MACROD2: variants seen among roughly 807,000 people sequenced by gnomAD.
The protein encoded by MACROD2 is ADP-ribose glycohydrolase MACROD2.
A neutral mutation model predicts 70.4 loss-of-function variants in MACROD2; 36 were observed. The observed-to-expected ratio is 0.51, with a 90% CI of 0.39 to 0.68. The LOEUF (loss-of-function observed/expected upper bound fraction) is 0.68, where lower values mean the gene tolerates loss of function less well. MACROD2 is among the 30% of genes least tolerant of loss of function. The probability of loss-of-function intolerance (pLI) is 0.00; values close to 1 mark genes in which losing one functional copy is unlikely to be tolerated. For synonymous variants in MACROD2, 172 were observed against 178.8 expected (o/e 0.96, Z 0.30); for missense variants, 496 against 538.4 (o/e 0.92, Z 0.78).
intron 8 of MACROD2, among the ~76,000 whole-genome samples, chr20:15,683,274 A>G (rs2050184965): frequency 6.6e-6 from 1 of 152,182 alleles, no homozygotes; most frequent in South Asian, 2.1e-4. Context: ...CTCTTTGGGC[A>G]ATCTTTTGTG....
At chr20:15,657,203 G>A (rs1416280829) in intron 8 of MACROD2, among the ~76,000 whole-genome samples, 3 of 152,168 alleles carry the variant, frequency 2.0e-5, no homozygotes, top group Admixed American at 1.3e-4. Context: ...ATCAATGACA[G>A]CCAGTAAACA....
At chr20:14,864,088 T>C (rs1158972400) in intron 5 of MACROD2, among the ~76,000 whole-genome samples, 1 of 152,112 alleles carries the variant, frequency 6.6e-6, no homozygotes, top group Non-Finnish European at 1.5e-5. Context: ...TTCTAAAATG[T>C]GGATGAGAAC....
intron 10 of MACROD2, among the ~76,000 whole-genome samples, chr20:15,890,735 T>TG (rs922064774): frequency 1.1e-4 from 17 of 152,214 alleles, no homozygotes; most frequent in African/African-American, 2.6e-4. Flanking sequence ...CTATCAAATG[T>TG]GGGGTTTTTT....
At chr20:14,890,259 A>G (rs999611771) in intron 5 of MACROD2, among the ~76,000 whole-genome samples, 1 of 152,066 alleles carries the variant, frequency 6.6e-6, no homozygotes, top group Non-Finnish European at 1.5e-5. Context: ...AGTCATGAGG[A>G]TAGATGCAAA....
chr20:14,969,432 A>G (rs1395592341), intron 5 of MACROD2, among the ~76,000 whole-genome samples: 1 of 150,986 alleles, frequency 6.6e-6, no homozygotes, highest in Non-Finnish European at 1.5e-5. Context: ...CACAGATTTG[A>G]TGAAACTCCT....
intron 5 of MACROD2, among the ~76,000 whole-genome samples, chr20:14,954,673 A>G (rs1406521428): frequency 2.3e-5 from 3 of 127,676 alleles, no homozygotes; most frequent in African/African-American, 6.1e-5. Flanking sequence ...TATACATATA[A>G]TATATTTATA....
chr20:14,812,554 G>T (rs1255559494), intron 5 of MACROD2, among the ~76,000 whole-genome samples: 2 of 151,970 alleles, frequency 1.3e-5, no homozygotes, highest in African/African-American at 4.8e-5. Flanking sequence ...ATGTATCCCA[G>T]AACTTAAAGT....
rs928452991 is a variant in MACROD2, at chr20:15,967,448, T to C, written c.908-105T>C. The C allele has an allele frequency of 3.1e-6, 3 of 956,568 alleles. No homozygotes were observed. The East Asian group carries it at 8.1e-5, about 26-fold the overall frequency. The allele number at this position is 956,568 out of a possible 1,614,324, so 59.3% of individuals were successfully genotyped here. On this transcript the variant is annotated intron_variant, in intron 12 of 17. Transcript: ENST00000684519. ...TTTGAGTGGTTATTTTTAAAACGAA[T>C]AAATTCTATTTTTCCTCAAACATAA... is the stretch of plus-strand genomic sequence containing the variant.
chr20:15,742,208 A>G (rs925043452), intron 8 of MACROD2, among the ~76,000 whole-genome samples: 12 of 152,198 alleles, frequency 7.9e-5, no homozygotes, highest in Non-Finnish European at 1.3e-4. Context: ...GGGAGCATGC[A>G]TCACTTACAG....
At chr20:14,837,845 G>A (rs2073046290) in intron 5 of MACROD2, among the ~76,000 whole-genome samples, 3 of 151,472 alleles carry the variant, frequency 2.0e-5, no homozygotes, top group Admixed American at 6.6e-5. Context: ...CTGGATACAT[G>A]CAAGGCTCCA....
intron 4 of MACROD2, among the ~76,000 whole-genome samples, chr20:14,581,034 G>A (rs1035200891): frequency 6.6e-6 from 1 of 152,132 alleles, no homozygotes; most frequent in Non-Finnish European, 1.5e-5. Context: ...CTACCTGTGG[G>A]CAGTTTGCAA....
At chr20:15,803,432 A>G (rs1165145385) in intron 8 of MACROD2, among the ~76,000 whole-genome samples, 1 of 152,142 alleles carries the variant, frequency 6.6e-6, no homozygotes, top group Non-Finnish European at 1.5e-5. Flanking sequence ...GAGAAAATAT[A>G]TTTCAAATAA....
chr20:15,695,061 C>T (rs755046401), intron 8 of MACROD2, among the ~76,000 whole-genome samples: 12 of 152,170 alleles, frequency 7.9e-5, no homozygotes, highest in Middle Eastern at 6.8e-3. Flanking sequence ...TTCTCTATTC[C>T]GTTCCATTGG....
intron 3 of MACROD2, among the ~76,000 whole-genome samples, chr20:14,224,411 TA>T (rs751871038): frequency 6.6e-6 from 1 of 152,208 alleles, no homozygotes; most frequent in Non-Finnish European, 1.5e-5. Flanking sequence ...TCAACATTTT[TA>T]TCTGTTGCAG....
At chr20:14,427,883 G>C (rs540477735) in intron 3 of MACROD2, among the ~76,000 whole-genome samples, 1 of 151,710 alleles carries the variant, frequency 6.6e-6, no homozygotes, top group South Asian at 2.1e-4. Context: ...TTGGAATGCT[G>C]TATAATGTTC....
At chr20:14,739,871 A>G (rs777192179) in intron 5 of MACROD2, among the ~76,000 whole-genome samples, 51 of 152,088 alleles carry the variant, frequency 3.4e-4, no homozygotes, top group Non-Finnish European at 3.2e-4. Flanking sequence ...TATTAAATAT[A>G]TGGAAATGCA....
intron 5 of MACROD2, among the ~76,000 whole-genome samples, chr20:14,992,418 A>G (rs1219136922): frequency 6.6e-6 from 1 of 152,202 alleles, no homozygotes; most frequent in Non-Finnish European, 1.5e-5. Flanking sequence ...CTAACACAAA[A>G]ACTCAGTTGC....
At chr20:15,242,284 A>C (rs913891983) in intron 6 of MACROD2, among the ~76,000 whole-genome samples, 4 of 152,220 alleles carry the variant, frequency 2.6e-5, no homozygotes, top group African/African-American at 7.2e-5. Flanking sequence ...ATAAAAGAAA[A>C]TGAAAAGCTA....
intron 5 of MACROD2, among the ~76,000 whole-genome samples, chr20:15,154,651 C>T (rs1601150922): frequency 6.6e-6 from 1 of 152,186 alleles, no homozygotes; most frequent in African/African-American, 2.4e-5. Context: ...TGCATCCTCA[C>T]AAGGTGAGAA....
Sources: gnomAD v4.1 joint callset for allele counts (sites outside exome capture counted in the v4.1 genomes callset) on GRCh38, gnomAD v4.1.1 for gene constraint, MANE v1.5 for transcripts, NCBI Gene and HGNC (gene_info 2026-07-23, HGNC 2026-07-21) for gene names.